Variants in SNTG2 observed in about 807,000 individuals in gnomAD.
The protein encoded by SNTG2 is gamma-2-syntrophin.
Under a neutral mutation model 70.9 loss-of-function variants are expected in SNTG2, and 74 were observed. That is an observed-to-expected ratio of 1.04 (90% confidence interval 0.86 to 1.27). SNTG2 has a LOEUF of 1.27. Among genes scored for constraint, SNTG2 ranks in the 50% most tolerant of loss-of-function variants. The pLI is 0.00. For synonymous variants in SNTG2, 278 were observed against 273.8 expected (o/e 1.02, Z -0.15); for missense variants, 717 against 690.7 (o/e 1.04, Z -0.43).
At chr2:1,238,543 A>C (rs1391711076) in intron 10 of SNTG2, among the ~76,000 whole-genome samples, 5 of 152,214 alleles carry the variant, frequency 3.3e-5, no homozygotes, top group Non-Finnish European at 7.3e-5. Context: ...TGATATTAAA[A>C]GTCAACAGGA....
intron 1 of SNTG2, among the ~76,000 whole-genome samples, chr2:1,045,880 TA>T (rs1558338276): frequency 1.3e-5 from 2 of 152,274 alleles, no homozygotes; most frequent in South Asian, 2.1e-4. Flanking sequence ...AGATGTCTAT[TA>T]GGTCTGTTTG....
chr2:1,268,356 A>C (rs1015077832), intron 14 of SNTG2, among the ~76,000 whole-genome samples: 4 of 152,166 alleles, frequency 2.6e-5, no homozygotes, highest in Non-Finnish European at 5.9e-5. Context: ...TTGAATGTGA[A>C]ACTATTCTGT....
intron 14 of SNTG2, among the ~76,000 whole-genome samples, chr2:1,282,567 C>T (rs1558177186): frequency 6.6e-6 from 1 of 152,214 alleles, no homozygotes; most frequent in African/African-American, 2.4e-5. Context: ...TTCTACCAAA[C>T]AGGGGAATCC....
rs1452959361 is a variant in SNTG2 at position 1,097,997 on chromosome 2, A to T, written c.211-199A>T. 6.6e-6 allele frequency among the ~76,000 whole-genome samples: 1 copy of T among 152,058 alleles called. No individual in the cohort carries two copies. The highest frequency in any genetic ancestry group is 1.5e-5 in the Non-Finnish European group (1 of 68,028). On this transcript the variant is annotated intron_variant, in intron 2 of 16. Transcript: ENST00000308624. The surrounding 1 kb of genome is among the most constrained non-coding windows in gnomAD (Gnocchi z 4.1). ...ATGCCTGGAATGGGGCCTATTCTTTATCACTGTCTTCGTTTTCATACGTGC... is the reference window on the plus strand; with the variant it reads ...ATGCCTGGAATGGGGCCTATTCTTTTTCACTGTCTTCGTTTTCATACGTGC...
rs141253211 is a variant in SNTG2, at chr2:1,233,055, C to G, written c.720-4833C>G. On this transcript the variant is annotated intron_variant, in intron 9 of 16. Transcript: ENST00000308624. ...GGTTGTAATGAAGGCCACCAGCCATCATTTATGGATGAAAGCTTCCTTGGT... is the reference window on the plus strand; with the variant it reads ...GGTTGTAATGAAGGCCACCAGCCATGATTTATGGATGAAAGCTTCCTTGGT... Among the ~76,000 whole-genome samples, 5 of 152,368 alleles carry G rather than the reference C, an allele frequency of 3.3e-5. No homozygotes were observed. The East Asian group carries it at 9.6e-4, about 29-fold the overall frequency.
chr2:1,085,555 T>C (rs1050617981), intron 2 of SNTG2, among the ~76,000 whole-genome samples: 1 of 152,188 alleles, frequency 6.6e-6, no homozygotes, highest in African/African-American at 2.4e-5. Flanking sequence ...CTGCTGAAAA[T>C]AGAACCACAT....
chr2:1,090,449 G>T (rs2148190303), intron 2 of SNTG2, among the ~76,000 whole-genome samples: 2 of 152,278 alleles, frequency 1.3e-5, no homozygotes, highest in South Asian at 4.1e-4. Context: ...TTGGAGGAAA[G>T]AACTGGGTTG....
chr2:1,347,632 C>T (rs767577433), intron 16 of SNTG2, among the ~76,000 whole-genome samples: 17 of 152,232 alleles, frequency 1.1e-4, no homozygotes, highest in Non-Finnish European at 2.4e-4. Context: ...ACTCCTTTCT[C>T]TCCTTGGCCA....
chr2:1,000,396 A>G (rs1365030874), intron 1 of SNTG2, among the ~76,000 whole-genome samples: 1 of 151,902 alleles, frequency 6.6e-6, no homozygotes, highest in African/African-American at 2.4e-5. Flanking sequence ...ATATTGACCA[A>G]GAAAAAAGAT....
At chr2:1,141,818 G>A (rs1668770237) in intron 6 of SNTG2, among the ~76,000 whole-genome samples, 1 of 151,834 alleles carries the variant, frequency 6.6e-6, no homozygotes, top group Non-Finnish European at 1.5e-5. Flanking sequence ...AGGCGTGTTT[G>A]GGGCCCTGAG....
At chr2:1,292,098 G>A (rs1339547280) in intron 14 of SNTG2, among the ~76,000 whole-genome samples, 5 of 152,060 alleles carry the variant, frequency 3.3e-5, no homozygotes. Flanking sequence ...TGATGCTATT[G>A]TAAATGAGAT....
At chr2:1,324,071 G>A (rs139350007) in intron 16 of SNTG2, among the ~76,000 whole-genome samples, 111 of 151,700 alleles carry the variant, frequency 7.3e-4, no homozygotes, top group African/African-American at 2.6e-3. Flanking sequence ...CTAGTAGGCT[G>A]GGACATGGGT....
chr2:1,364,992 G>A (rs937824190), intron 16 of SNTG2, among the ~76,000 whole-genome samples: 7 of 152,060 alleles, frequency 4.6e-5, no homozygotes, highest in Non-Finnish European at 8.8e-5. Flanking sequence ...TCCCTTTAAA[G>A]CTCAGTAATT....
intron 16 of SNTG2, among the ~76,000 whole-genome samples, chr2:1,351,137 A>T (rs1660550578): frequency 6.6e-6 from 1 of 151,706 alleles, no homozygotes; most frequent in Non-Finnish European, 1.5e-5. Flanking sequence ...CAGTTCTCTT[A>T]ATTTCCTTGT....
intron 9 of SNTG2, among the ~76,000 whole-genome samples, chr2:1,236,971 C>G (rs1351290861): frequency 1.3e-5 from 2 of 148,470 alleles, no homozygotes; most frequent in African/African-American, 2.5e-5. Flanking sequence ...CAGATAGGGT[C>G]TCACTCTGTT....
chr2:1,267,264 T>C, intron 13 of SNTG2, 101 bp from the exon 14 acceptor site: 1 of 1,124,020 alleles, frequency 8.9e-7, no homozygotes, highest in Non-Finnish European at 1.3e-6. Flanking sequence ...GGAGACCGTT[T>C]CCCAGATCAC....
intron 1 of SNTG2, among the ~76,000 whole-genome samples, chr2:1,000,943 C>T (rs2147987511): frequency 6.6e-6 from 1 of 152,014 alleles, no homozygotes; most frequent in South Asian, 2.1e-4. Context: ...TGAGTTTTAA[C>T]TCCAGAAATG....
chr2:1,169,052 C>G (rs1670946623), intron 7 of SNTG2, among the ~76,000 whole-genome samples: 1 of 152,104 alleles, frequency 6.6e-6, no homozygotes, highest in Non-Finnish European at 1.5e-5. Flanking sequence ...GTGTCAGACG[C>G]ACATCAGGAG....
intron 14 of SNTG2, among the ~76,000 whole-genome samples, chr2:1,272,847 G>C (rs1679108996): frequency 6.6e-6 from 1 of 152,084 alleles, no homozygotes; most frequent in Non-Finnish European, 1.5e-5. Flanking sequence ...GGTGTAGAAA[G>C]GACATCCCAC....
Sources: allele counts gnomAD v4.1 joint callset (sites outside exome capture counted in the v4.1 genomes callset), GRCh38; gene constraint gnomAD v4.1.1; non-coding constraint Gnocchi (gnomAD v3.1); transcripts MANE v1.5; gene names NCBI Gene and HGNC (gene_info 2026-07-23, HGNC 2026-07-21).